SPNS2: variants seen among roughly 807,000 people sequenced by gnomAD.
The protein encoded by SPNS2 is SPNS lysolipid transporter 2, sphingosine-1-phosphate.
SPNS2 carries 37 observed loss-of-function variants against 57.6 expected under a neutral mutation model. The observed-to-expected ratio is 0.64, with a 90% CI of 0.49 to 0.85. SPNS2 has a LOEUF of 0.85. Among genes scored for constraint, SPNS2 ranks in the 40% least tolerant of loss-of-function variants. The probability of loss-of-function intolerance (pLI) is 0.00; values close to 1 mark genes in which losing one functional copy is unlikely to be tolerated. For missense variants in SPNS2, 831 were observed against 779.1 expected, an observed-to-expected ratio of 1.07 and a Z score of -0.79; for synonymous variants, 440 against 346.9, an observed-to-expected ratio of 1.27 and a Z score of -2.98.
chr17:4,501,493 C>G (rs754371639), intron 1 of SPNS2, among the ~76,000 whole-genome samples: 13 of 152,036 alleles, frequency 8.6e-5, no homozygotes, highest in Non-Finnish European at 1.8e-4. Flanking sequence ...GAGGAAGGCC[C>G]GGAAAGTCCT....
intron 12 of SPNS2, 126 bp downstream of exon 12, chr17:4,537,072 T>C (rs1905880443): frequency 9.4e-7 from 1 of 1,067,136 alleles, no homozygotes; most frequent in Admixed American, 2.5e-5. Flanking sequence ...ACTCTGGGCT[T>C]TGTCTCTGAA....
rs576775077 is a variant in SPNS2, at chr17:4,529,232, C to T, written c.574-1400C>T. 2.8e-3 allele frequency among the ~76,000 whole-genome samples: 424 copies of T among 152,160 alleles called. 2 individuals carry two copies. The highest frequency in any genetic ancestry group is 6.8e-3 in the Middle Eastern group (2 of 294). On this transcript the variant is annotated intron_variant, in intron 3 of 12. Transcript: ENST00000329078. ...TACAGGCGTGAGCCACTGCGCCTGG[C>T]CCGATTTTTATCTTATTTTTAAATT... is the stretch of plus-strand genomic sequence containing the variant.
chr17:4,534,232 C>T (rs1046522184), intron 9 of SPNS2, among the ~76,000 whole-genome samples: 1 of 151,854 alleles, frequency 6.6e-6, no homozygotes, highest in Non-Finnish European at 1.5e-5. Context: ...GGCTCCCAGG[C>T]GTGCCTGCGG....
intron 3 of SPNS2, among the ~76,000 whole-genome samples, chr17:4,527,703 C>T (rs898632608): frequency 6.6e-6 from 1 of 152,154 alleles, no homozygotes; most frequent in East Asian, 1.9e-4. Context: ...GATCCCATTT[C>T]ACACCCGTCA....
chr17:4,523,023 C>T (rs1308352472), intron 2 of SPNS2, among the ~76,000 whole-genome samples: 1 of 152,274 alleles, frequency 6.6e-6, no homozygotes, highest in African/African-American at 2.4e-5. Flanking sequence ...GCTCCTCCAA[C>T]ATGCTAAGTA....
Position 4,536,278 on chromosome 17 carries a change from C to G in SPNS2, c.1459C>G (p.Arg487Gly). The change falls in exon 11 of 13, where the codon CGC becomes GGC. Residue 487 changes from arginine to glycine, a missense_variant. Coordinates refer to ENST00000329078, the MANE Select transcript of SPNS2 (RefSeq NM_001124758.3). ...YLIGFISDLI[R>G]QSTKDSPLWE... ...ATCCTCGCAGATCTCAGACCTGATCCGCCAGAGCACTAAGGACTCCCCGCT... is the reference window on the plus strand; with the variant it reads ...ATCCTCGCAGATCTCAGACCTGATCGGCCAGAGCACTAAGGACTCCCCGCT... The G allele has an allele frequency of 6.2e-7, 1 of 1,612,372 alleles. No individual in the cohort carries two copies. The highest frequency in any genetic ancestry group is 1.1e-5 in the South Asian group (1 of 91,070).
chr17:4,519,697 C>A (rs1465117327), intron 2 of SPNS2, among the ~76,000 whole-genome samples: 1 of 149,594 alleles, frequency 6.7e-6, no homozygotes, highest in African/African-American at 2.5e-5. Context: ...CCAGAAAGCT[C>A]TCCTCAAACA....
At chr17:4,519,630 C>T (rs925581940) in intron 2 of SPNS2, among the ~76,000 whole-genome samples, 7 of 152,256 alleles carry the variant, frequency 4.6e-5, no homozygotes, top group South Asian at 2.1e-4. Context: ...GATGTCCCTG[C>T]GGGAACTGCT....
At chr17:4,517,188 C>G (rs973231093) in intron 2 of SPNS2, among the ~76,000 whole-genome samples, 1 of 152,212 alleles carries the variant, frequency 6.6e-6, no homozygotes, top group African/African-American at 2.4e-5. Context: ...CTGGCTAGTT[C>G]CAGCCCCTGC....
At chr17:4,507,600 T>TCACA (rs1904716556) in intron 1 of SPNS2, among the ~76,000 whole-genome samples, 1 of 152,178 alleles carries the variant, frequency 6.6e-6, no homozygotes, top group Non-Finnish European at 1.5e-5. Context: ...TTCCCCAAGG[T>TCACA]CACACAGCAG....
intron 2 of SPNS2, among the ~76,000 whole-genome samples, chr17:4,518,960 T>C (rs763496447): frequency 6.6e-6 from 1 of 152,130 alleles, no homozygotes; most frequent in South Asian, 2.1e-4. Context: ...ACAGAGCAGG[T>C]GTTCCCGTCC....
intron 1 of SPNS2, among the ~76,000 whole-genome samples, chr17:4,502,402 A>T (rs1286797951): frequency 6.6e-6 from 1 of 151,592 alleles, no homozygotes; most frequent in African/African-American, 2.4e-5. Context: ...AAAATTATAC[A>T]CACACACACA....
At chr17:4,528,070 T>G (rs1905308478) in intron 3 of SPNS2, among the ~76,000 whole-genome samples, 1 of 152,112 alleles carries the variant, frequency 6.6e-6, no homozygotes, top group African/African-American at 2.4e-5. Context: ...CTGCCCAGGC[T>G]GGAGTGCAAT....
In SPNS2 at chr17:4,538,571, G is replaced by A; in HGVS notation, c.*1123G>A. ...CCCCAACCCGCTTTGGGGGAGCTTA[G>A]CCCCCTGCGTCACCCACTCCCTGCA... On this transcript the variant is annotated 3_prime_UTR_variant, in exon 13 of 13. Transcript: ENST00000329078. 5.3e-6 allele frequency: 2 copies of A among 375,490 alleles called. No individual in the cohort carries two copies. The highest frequency in any genetic ancestry group is 8.6e-5 in the Admixed American group (2 of 23,342). 23.3% of individuals were successfully genotyped at this position (375,490 alleles called of 1,614,324 possible).
At chr17:4,533,680 T>C in intron 8 of SPNS2, 108 bp from the exon 9 acceptor site, 10 of 1,255,524 alleles carry the variant, frequency 8.0e-6, no homozygotes, top group Non-Finnish European at 1.1e-5. Context: ...CCGGGAGGGG[T>C]GTGAGGTTTT....
At chr17:4,531,660 C>T (rs764717371) in intron 5 of SPNS2, among the ~76,000 whole-genome samples, 7 of 150,966 alleles carry the variant, frequency 4.6e-5, no homozygotes, top group Non-Finnish European at 8.8e-5. Flanking sequence ...AGGAAGGAAG[C>T]GGCCTCCGTG....
chr17:4,533,739 G>A (rs1261836940), intron 8 of SPNS2, 49 bp from the exon 9 acceptor site: 1 of 1,601,592 alleles, frequency 6.2e-7, no homozygotes, highest in South Asian at 1.1e-5. Flanking sequence ...GACTGTGGTT[G>A]CTGCGGATGG....
At chr17:4,525,263 G>T in intron 3 of SPNS2, 70 bp downstream of exon 3, 1 of 1,572,018 alleles carries the variant, frequency 6.4e-7, no homozygotes, top group South Asian at 1.1e-5. Flanking sequence ...AGTCTTATTG[G>T]CCTGTTGAAG....
At position 4,531,067 on chromosome 17, in the gene SPNS2, T is replaced by C; in HGVS notation, c.740T>C (p.Ile247Thr). The change falls in exon 5 of 13, where the codon ATT becomes ACT. Residue 247 changes from isoleucine to threonine, a missense_variant. By Grantham distance (89) the Ile-to-Thr change is moderately conservative (BLOSUM62 -1). Transcript: ENST00000329078. The stretch of plus-strand genomic sequence containing the variant: ...CTTCTCTGCAGTGGCCTGGGCTACA[T>C]TACTGGCTCCAGCGTGAAGCAGGCA... ...AIPLGSGLGY[I>T]TGSSVKQAAG... 1.9e-6 allele frequency: 3 copies of C among 1,614,088 alleles called. No individual in the cohort carries two copies. The highest frequency in any genetic ancestry group is 2.5e-6 in the Non-Finnish European group (3 of 1,180,000).
Sources: gnomAD v4.1 joint callset for allele counts (sites outside exome capture counted in the v4.1 genomes callset) on GRCh38, gnomAD v4.1.1 for gene constraint, MANE v1.5 for transcripts, NCBI Gene and HGNC (gene_info 2026-07-23, HGNC 2026-07-21) for gene names.